RELN: variants seen among roughly 807,000 people sequenced by gnomAD.
RELN encodes reelin.
In RELN, 108 loss-of-function variants were observed where a neutral mutation model predicts 427.6. The ratio of observed to expected loss-of-function variants is 0.25; its 90% CI spans 0.22 to 0.30. RELN has a LOEUF of 0.30. Ranked by LOEUF, RELN falls within the 10% of genes least tolerant of loss-of-function variation. The pLI is 1.00. For missense variants in RELN, 3,715 were observed against 4,302.8 expected (o/e 0.86, Z 3.82); for synonymous variants, 1,524 against 1,513.4 (o/e 1.01, Z -0.16).
chr7:103,834,108 G>A lies in RELN; in HGVS notation c.338-436C>T, dbSNP rs117055870. Reference sequence around the variant, plus strand: ...TGTGTTAGGTTATTTCAGAGGGCAAGGTGATCAGGTTTGCTTGGAAAACTC... The same window carrying A: ...TGTGTTAGGTTATTTCAGAGGGCAAAGTGATCAGGTTTGCTTGGAAAACTC... On this transcript the variant is annotated intron_variant, in intron 2 of 64. Coordinates refer to ENST00000428762, the MANE Select transcript of RELN (RefSeq NM_005045.4). Among the ~76,000 whole-genome samples, 18 of 152,290 alleles carry A rather than the reference G, an allele frequency of 1.2e-4. No individual in the cohort carries two copies. The East Asian group carries it at 1.4e-3, about 11-fold the overall frequency.
rs114113215 is a variant in RELN, at chr7:103,764,001, A to G, written c.545-10787T>C. On this transcript the variant is annotated intron_variant, in intron 4 of 64. Coordinates refer to ENST00000428762, the MANE Select transcript of RELN (RefSeq NM_005045.4). ...TAGACATGGATGACCACAAGGAATA[A>G]GCAAAGAAATGTGTTACCTAGGTCT... Among the ~76,000 whole-genome samples the G allele has an allele frequency of 4.4e-4, 67 of 152,316 alleles. 1 individual carries two copies. Among genetic ancestry groups the G allele is most frequent in the African/African-American group, 1.6e-3 (67 of 41,566 alleles).
At chr7:103,952,534 T>C (rs73183776) in intron 1 of RELN, among the ~76,000 whole-genome samples, 28,452 of 151,556 alleles carry the variant, frequency 0.19, 2,985 homozygotes, top group African/African-American at 0.29. Context: ...CACACACACA[T>C]ACATACATAC....
At chr7:103,517,048 A>G (rs1829583145) in intron 49 of RELN, among the ~76,000 whole-genome samples, 1 of 152,164 alleles carries the variant, frequency 6.6e-6, no homozygotes, top group Non-Finnish European at 1.5e-5. Flanking sequence ...TAGTCTAGAA[A>G]GTATCAATCT....
intron 41 of RELN, 29 bp downstream of exon 41, chr7:103,551,037 CA>C: frequency 6.4e-7 from 1 of 1,569,472 alleles, no homozygotes. Flanking sequence ...AAAGGAGAAA[CA>C]AATGTGGCGT....
intron 6 of RELN, among the ~76,000 whole-genome samples, chr7:103,729,899 A>T (rs1790309748): frequency 6.6e-6 from 1 of 151,762 alleles, no homozygotes; most frequent in Non-Finnish European, 1.5e-5. Context: ...CCTCTACTCC[A>T]GAATTTTATA....
intron 2 of RELN, among the ~76,000 whole-genome samples, chr7:103,850,562 A>G (rs1429202955): frequency 6.6e-6 from 1 of 152,168 alleles, no homozygotes; most frequent in Non-Finnish European, 1.5e-5. Context: ...CTCTAGCTGA[A>G]CTTTGTAGCA....
intron 3 of RELN, among the ~76,000 whole-genome samples, chr7:103,788,964 G>A (rs917069942): frequency 6.6e-6 from 1 of 152,180 alleles, no homozygotes; most frequent in African/African-American, 2.4e-5. Flanking sequence ...AACCAAAACC[G>A]CATGGTACTG....
intron 7 of RELN, among the ~76,000 whole-genome samples, chr7:103,724,321 G>T (rs1483856113): frequency 6.6e-6 from 1 of 152,122 alleles, no homozygotes; most frequent in African/African-American, 2.4e-5. Context: ...AGGGTCAAGT[G>T]CTATACAATT....
At chr7:103,907,864 C>G (rs1795251336) in intron 2 of RELN, among the ~76,000 whole-genome samples, 2 of 151,776 alleles carry the variant, frequency 1.3e-5, no homozygotes, top group South Asian at 4.2e-4. Context: ...TATATGTGTG[C>G]CATGGTGGTT....
At chr7:103,900,380 T>C (rs1795057614) in intron 2 of RELN, among the ~76,000 whole-genome samples, 1 of 152,092 alleles carries the variant, frequency 6.6e-6, no homozygotes, top group African/African-American at 2.4e-5. Flanking sequence ...CCCAAAGTAA[T>C]TTATAGATTC....
intron 49 of RELN, among the ~76,000 whole-genome samples, chr7:103,518,828 C>T (rs1829635633): frequency 6.6e-6 from 1 of 151,690 alleles, no homozygotes; most frequent in Non-Finnish European, 1.5e-5. Context: ...TGCTTTCGGC[C>T]CTTCAGTACT....
chr7:103,950,714 A>G (rs765912560), intron 1 of RELN, among the ~76,000 whole-genome samples: 5 of 152,222 alleles, frequency 3.3e-5, no homozygotes, highest in African/African-American at 4.8e-5. Context: ...TTACTGAAAG[A>G]CATTTTATAA....
chr7:103,811,156 A>C (rs1792733615), intron 3 of RELN, among the ~76,000 whole-genome samples: 1 of 152,236 alleles, frequency 6.6e-6, no homozygotes, highest in Admixed American at 6.5e-5. Flanking sequence ...CGAAAATTAC[A>C]AATGATGTAG....
chr7:103,626,314 T>C lies in RELN; in HGVS notation c.2702+3626A>G, dbSNP rs1220231277. On this transcript the variant is annotated intron_variant, in intron 20 of 64. Transcript: ENST00000428762. This position sits in a 1 kb window ranked among gnomAD's most constrained non-coding sequence, Gnocchi z 4.4. ...CATATTTCCTAAAAACAATTGCCAA[T>C]TCTAAATGCTACAACAACTATTCTC... is the stretch of plus-strand genomic sequence containing the variant. 6.6e-6 allele frequency among the ~76,000 whole-genome samples: 1 copy of C among 152,086 alleles called. No homozygotes were observed. The highest frequency in any genetic ancestry group is 1.5e-5 in the Non-Finnish European group (1 of 67,960).
At chr7:103,505,831 T>A (rs935077961) in intron 51 of RELN, among the ~76,000 whole-genome samples, 3 of 152,126 alleles carry the variant, frequency 2.0e-5, no homozygotes, top group Non-Finnish European at 2.9e-5. Flanking sequence ...AAGGAAGCTA[T>A]AAGAACCTTG....
At chr7:103,591,595 C>T (rs567401730) in intron 27 of RELN, among the ~76,000 whole-genome samples, 76 of 152,268 alleles carry the variant, frequency 5.0e-4, no homozygotes, top group African/African-American at 1.7e-3. Flanking sequence ...ACTCTTCTAA[C>T]ACAAATTCCT....
intron 2 of RELN, among the ~76,000 whole-genome samples, chr7:103,857,728 G>A (rs2116482335): frequency 6.6e-6 from 1 of 152,262 alleles, no homozygotes; most frequent in African/African-American, 2.4e-5. Context: ...CTCCTTAGAG[G>A]ACCGCCAAGC....
At position 103,620,211 on chromosome 7, in the gene RELN, C is replaced by G. The variant is rs757344264; in HGVS notation, c.2703-8408G>C. 6.6e-6 allele frequency among the ~76,000 whole-genome samples: 1 copy of G among 152,144 alleles called. No homozygotes were observed. Among genetic ancestry groups the G allele is most frequent in the Non-Finnish European group, 1.5e-5 (1 of 68,032 alleles). ...GACTCTCATTTTGTCTCATCTGCTGCCATGTAAGACGTGCCTTTTGCCTTC... is the reference window on the plus strand; with the variant it reads ...GACTCTCATTTTGTCTCATCTGCTGGCATGTAAGACGTGCCTTTTGCCTTC... On this transcript the variant is annotated intron_variant, in intron 20 of 64. Transcript: ENST00000428762. This position sits in a 1 kb window ranked among gnomAD's most constrained non-coding sequence, Gnocchi z 4.1.
intron 55 of RELN, 109 bp downstream of exon 55, chr7:103,497,711 T>C: frequency 2.2e-6 from 2 of 892,914 alleles, no homozygotes; most frequent in Non-Finnish European, 3.7e-6. Flanking sequence ...TTTGTGAGTT[T>C]CACAATTCAA....
Sources: allele counts gnomAD v4.1 joint callset (sites outside exome capture counted in the v4.1 genomes callset), GRCh38; gene constraint gnomAD v4.1.1; non-coding constraint Gnocchi (gnomAD v3.1); transcripts MANE v1.5; gene names NCBI Gene and HGNC (gene_info 2026-07-23, HGNC 2026-07-21).